Variants in CDH17 observed in about 807,000 individuals in gnomAD.
The protein encoded by CDH17 is cadherin 17, also known as cadherin-17.
A neutral mutation model predicts 86.3 loss-of-function variants in CDH17; 67 were observed. The observed-to-expected ratio is 0.78, with a 90% CI of 0.64 to 0.95. The LOEUF (loss-of-function observed/expected upper bound fraction) is 0.95, where lower values mean the gene tolerates loss of function less well. Among genes scored for constraint, CDH17 ranks in the 40% least tolerant of loss-of-function variants. CDH17 has a pLI of 0.00. For missense variants in CDH17, 993 were observed against 1,017.6 expected (o/e 0.98, Z 0.33); for synonymous variants, 367 against 366.4 (o/e 1.00, Z -0.02).
At chr8:94,136,207 C>G (rs1348503840) in intron 15 of CDH17, among the ~76,000 whole-genome samples, 1 of 152,172 alleles carries the variant, frequency 6.6e-6, no homozygotes, top group Non-Finnish European at 1.5e-5. Context: ...GCCTGCCTTG[C>G]TAGATTGGGG....
In CDH17 at chr8:94,152,131, G is replaced by A; in HGVS notation, c.1552-19C>T. Reference sequence around the variant, plus strand: ...CAAGAGGCTGTGTAGGAGAAAGAGAGAAAATTAATTTTGGGGTGATTAGCT... The same window carrying A: ...CAAGAGGCTGTGTAGGAGAAAGAGAAAAAATTAATTTTGGGGTGATTAGCT... On this transcript the variant is annotated intron_variant, in intron 12 of 17. Transcript: ENST00000027335. The A allele has an allele frequency of 6.2e-7, 1 of 1,611,212 alleles. No homozygotes were observed. Among genetic ancestry groups the A allele is most frequent in the Non-Finnish European group, 8.5e-7 (1 of 1,178,250 alleles).
chr8:94,175,623 T>C (rs1372124883), intron 5 of CDH17, among the ~76,000 whole-genome samples: 2 of 152,206 alleles, frequency 1.3e-5, no homozygotes, highest in African/African-American at 2.4e-5. Flanking sequence ...TGCTCCTTCC[T>C]AGGTGCCTGC....
intron 15 of CDH17, among the ~76,000 whole-genome samples, chr8:94,131,927 G>A (rs1812429224): frequency 6.6e-6 from 1 of 152,120 alleles, no homozygotes; most frequent in Non-Finnish European, 1.5e-5. Context: ...AACATGCAGT[G>A]TTTGGTGTTA....
At position 94,170,839 on chromosome 8, in the gene CDH17, TTC is replaced by T; in HGVS notation, c.915+13_915+14del. The T allele has an allele frequency of 2.5e-6, 4 of 1,611,602 alleles. No individual in the cohort carries two copies. The East Asian group carries it at 8.9e-5, about 36-fold the overall frequency. On this transcript the variant is annotated intron_variant, in intron 8 of 17. Transcript: ENST00000027335. ...CTTTGTCTTGTCGCCTGTGAAACTC[TTC>T]TCTTTTACTCACTGCATCCTTTTCT...
Position 94,165,856 on chromosome 8 carries a change from A to G in CDH17, c.1187T>C (p.Ile396Thr). 1.9e-6 allele frequency: 3 copies of G among 1,613,850 alleles called. No individual in the cohort carries two copies. Among genetic ancestry groups the G allele is most frequent in the Middle Eastern group, 1.7e-4 (1 of 6,058 alleles). ...PKLPMDGLFL[I>T]QTYAGMLQLA... ...CTGTAACATTCCAGCATAGGTTTGGATTAGGAAGAGTCCATCCATGGGAAG... is the reference window on the plus strand; with the variant it reads ...CTGTAACATTCCAGCATAGGTTTGGGTTAGGAAGAGTCCATCCATGGGAAG... Residue 396 changes from isoleucine (I) to threonine (T), a missense_variant, in exon 10 of 18, where the codon ATC (isoleucine) becomes ACC (threonine). Transcript: ENST00000027335.
intron 7 of CDH17, among the ~76,000 whole-genome samples, chr8:94,171,527 G>A (rs1018594119): frequency 2.6e-5 from 4 of 152,054 alleles, no homozygotes; most frequent in Admixed American, 6.6e-5. Context: ...CAACTCCTAG[G>A]GTTGTTTGTA....
At chr8:94,173,208 T>A (rs1440671877) in intron 7 of CDH17, among the ~76,000 whole-genome samples, 1 of 152,066 alleles carries the variant, frequency 6.6e-6, no homozygotes, top group Non-Finnish European at 1.5e-5. Flanking sequence ...TGGATGTTTG[T>A]CCCCTCCAAA....
intron 11 of CDH17, among the ~76,000 whole-genome samples, chr8:94,161,609 T>G (rs1360614220): frequency 6.6e-6 from 1 of 152,224 alleles, no homozygotes; most frequent in African/African-American, 2.4e-5. Flanking sequence ...TTGGGCACAT[T>G]TTTCTTTGGC....
intron 1 of CDH17, among the ~76,000 whole-genome samples, chr8:94,206,899 G>A (rs988524873): frequency 2.0e-5 from 3 of 152,102 alleles, no homozygotes. Context: ...TCCCTCCTCA[G>A]CTTCTCAAAG....
In CDH17 at chr8:94,208,545, T is replaced by C. The variant is rs1814072298; in HGVS notation, c.-83A>G. The C allele has an allele frequency of 6.6e-6, 1 of 152,242 alleles. No homozygotes were observed. The highest frequency in any genetic ancestry group is 1.5e-5 in the Non-Finnish European group (1 of 68,056). The allele number at this position is 152,242 out of a possible 1,614,324, so 9.4% of individuals were successfully genotyped here. On this transcript the variant is annotated 5_prime_UTR_variant, in exon 1 of 18. Transcript: ENST00000027335. ...TTCTTCCATTCAGTGGTCGAGACTCTTGCTACGACTGGAGTATCTCCCCCG... is the reference window on the plus strand; with the variant it reads ...TTCTTCCATTCAGTGGTCGAGACTCCTGCTACGACTGGAGTATCTCCCCCG...
intron 3 of CDH17, 53 bp downstream of exon 3, chr8:94,189,134 C>T: frequency 1.6e-6 from 2 of 1,218,788 alleles, no homozygotes; most frequent in Middle Eastern, 3.8e-4. Flanking sequence ...AAGTAAAAGT[C>T]CACCAAGAGA....
intron 7 of CDH17, 74 bp from the exon 8 acceptor site, chr8:94,171,059 G>T: frequency 1.4e-6 from 2 of 1,437,226 alleles, no homozygotes; most frequent in Non-Finnish European, 9.4e-7. Context: ...TAATTTTCTA[G>T]TTCTCAATTT....
chr8:94,199,083 A>ATATATAT (rs1283889347), intron 1 of CDH17, among the ~76,000 whole-genome samples: 4 of 23,234 alleles, frequency 1.7e-4, no homozygotes, highest in African/African-American at 4.3e-4. Flanking sequence ...ATATATATAT[A>ATATATAT]TTTTTTTTTT....
At chr8:94,199,664 C>T (rs1332794440) in intron 1 of CDH17, among the ~76,000 whole-genome samples, 2 of 152,048 alleles carry the variant, frequency 1.3e-5, no homozygotes, top group Admixed American at 6.5e-5. Context: ...TGCCCCTCAC[C>T]GAGGGTTTCC....
chr8:94,155,693 C>T (rs530929692), intron 12 of CDH17, among the ~76,000 whole-genome samples: 1 of 152,294 alleles, frequency 6.6e-6, no homozygotes, highest in Admixed American at 6.5e-5. Flanking sequence ...GGAGTTGGAA[C>T]TTCATCCTTG....
At chr8:94,167,010 A>G (rs1463301227) in intron 9 of CDH17, among the ~76,000 whole-genome samples, 3 of 152,184 alleles carry the variant, frequency 2.0e-5, no homozygotes, top group Non-Finnish European at 4.4e-5. Flanking sequence ...CTGTAGCCCT[A>G]GGACGCTAAT....
At chr8:94,145,355 A>G (rs981251333) in intron 15 of CDH17, among the ~76,000 whole-genome samples, 1 of 152,244 alleles carries the variant, frequency 6.6e-6, no homozygotes, top group Non-Finnish European at 1.5e-5. Context: ...TACTGAGATG[A>G]AAGAAGCCAG....
At chr8:94,168,097 A>AATATATATATAAATATATATAT in intron 9 of CDH17, among the ~76,000 whole-genome samples, 1 of 50,662 alleles carries the variant, frequency 2.0e-5, no homozygotes, top group Non-Finnish European at 3.2e-5. Context: ...TACACTGGGG[A>AATATATATATAAATATATATAT]ATATATATAT....
intron 15 of CDH17, among the ~76,000 whole-genome samples, chr8:94,139,712 G>A (rs1405013032): frequency 2.6e-5 from 4 of 152,026 alleles, no homozygotes; most frequent in Non-Finnish European, 5.9e-5. Context: ...AGACCAGTCT[G>A]GCCAACATGG....
Sources: allele counts gnomAD v4.1 joint callset (sites outside exome capture counted in the v4.1 genomes callset), GRCh38; gene constraint gnomAD v4.1.1; transcripts MANE v1.5; gene names NCBI Gene and HGNC (gene_info 2026-07-23, HGNC 2026-07-21).